Variants in TOP2B observed in about 807,000 individuals in gnomAD.
TOP2B encodes the protein DNA topoisomerase 2-beta.
Under a neutral mutation model 193.5 loss-of-function variants are expected in TOP2B, and 51 were observed. The ratio of observed to expected loss-of-function variants is 0.26; its 90% CI spans 0.21 to 0.33. The LOEUF is 0.33. TOP2B is among the 10% of genes least tolerant of loss of function. The pLI is 1.00. For missense variants in TOP2B, 1,378 were observed against 1,909.3 expected (o/e 0.72, Z 5.19); for synonymous variants, 634 against 635.7 (o/e 1.00, Z 0.04).
At chr3:25,612,139 T>C (rs1207661038) in intron 28 of TOP2B, among the ~76,000 whole-genome samples, 3 of 151,998 alleles carry the variant, frequency 2.0e-5, no homozygotes, top group Non-Finnish European at 4.4e-5. Flanking sequence ...AGACGGGGTT[T>C]CACCATGTTT....
At position 25,623,734 on chromosome 3, in the gene TOP2B, C is replaced by G. The variant is rs1325892579; in HGVS notation, c.2508G>C (p.Arg836Ser). 2 of 1,611,356 alleles carry G rather than the reference C, an allele frequency of 1.2e-6. No homozygotes were observed. The highest frequency in any genetic ancestry group is 1.1e-5 in the South Asian group (1 of 90,802). Residue 836 changes from arginine (R) to serine (S), a missense_variant, in exon 21 of 36, where the codon AGG (arginine) becomes AGC (serine). By Grantham distance (110) the Arg-to-Ser change is moderately radical. Transcript: ENST00000264331. ...TGTCATCCACAGCAGGAAAAAGTAG[C>G]CTTGCTAAAGTGCTAATGAAAACAA... ...YIFTMLSTLARLLFPAVDDNL... is the reference protein window; with the variant it reads ...YIFTMLSTLASLLFPAVDDNL...
intron 31 of TOP2B, among the ~76,000 whole-genome samples, chr3:25,606,530 G>A (rs1187417008): frequency 1.3e-5 from 2 of 152,012 alleles, no homozygotes; most frequent in African/African-American, 4.8e-5. Flanking sequence ...CAAGGAAAAA[G>A]ACAGAATTCC....
intron 33 of TOP2B, among the ~76,000 whole-genome samples, chr3:25,603,242 CTGT>C (rs1006319337): frequency 5.9e-5 from 9 of 151,940 alleles, no homozygotes; most frequent in African/African-American, 2.2e-4. Context: ...TTTGATTGTT[CTGT>C]TGTTGTTATT....
At position 25,620,825 on chromosome 3, in the gene TOP2B, A is replaced by G. The variant is rs766701892; in HGVS notation, c.2728-9T>C. On this transcript the variant is annotated splice_polypyrimidine_tract_variant and intron_variant, in intron 21 of 35. Coordinates refer to ENST00000264331, the MANE Select transcript of TOP2B (RefSeq NM_001330700.2). ...TTTTTGTAGTTTGGAAGCTGTAGAG[A>G]AAAAGGTAAATAGCATTGACTTCTC... The G allele has an allele frequency of 2.5e-6, 4 of 1,611,530 alleles. No individual in the cohort carries two copies. The highest frequency in any genetic ancestry group is 1.1e-5 in the South Asian group (1 of 90,636).
intron 27 of TOP2B, among the ~76,000 whole-genome samples, chr3:25,613,676 C>G (rs1702436444): frequency 6.6e-6 from 1 of 151,122 alleles, no homozygotes. Flanking sequence ...TGCAATGAGC[C>G]ATGATTGTAC....
chr3:25,631,428 T>C (rs1702953171), intron 10 of TOP2B, among the ~76,000 whole-genome samples: 1 of 152,084 alleles, frequency 6.6e-6, no homozygotes, highest in South Asian at 2.1e-4. Flanking sequence ...AGCTTGGTAA[T>C]AAAGATTTCA....
intron 2 of TOP2B, among the ~76,000 whole-genome samples, chr3:25,644,101 CTTTTTTTT>C (rs34502850): frequency 7.1e-6 from 1 of 140,672 alleles, no homozygotes; most frequent in African/African-American, 2.6e-5. Flanking sequence ...AAAATTAATG[CTTTTTTTT>C]TTTTTTATAA....
intron 4 of TOP2B, among the ~76,000 whole-genome samples, chr3:25,641,326 C>T (rs116529295): frequency 0.012 from 1,788 of 152,200 alleles, 30 homozygotes; most frequent in African/African-American, 0.04. Context: ...GTGTCTATTA[C>T]TCCTTACTCT....
intron 1 of TOP2B, 86 bp downstream of exon 1, chr3:25,664,142 CT>C: frequency 1.3e-6 from 2 of 1,517,164 alleles, no homozygotes; most frequent in Non-Finnish European, 1.8e-6. Flanking sequence ...ATTTCCCTCC[CT>C]TTCCCCTCCC....
chr3:25,598,165 G>T lies in TOP2B; in HGVS notation c.*142C>A. ...AAAACTGTATGTGTAAGAACAAAAT[G>T]TTAAAAGGCCTACCACAATAATAAA... On this transcript the variant is annotated 3_prime_UTR_variant, in exon 36 of 36. Coordinates refer to ENST00000264331, the MANE Select transcript of TOP2B (RefSeq NM_001330700.2). 1.2e-6 allele frequency: 1 copy of T among 830,000 alleles called. No individual in the cohort carries two copies. Among genetic ancestry groups the T allele is most frequent in the Non-Finnish European group, 1.8e-6 (1 of 548,448 alleles). The allele number at this position is 830,000 out of a possible 1,614,324, so 51.4% of individuals were successfully genotyped here.
In TOP2B at chr3:25,636,167, C is replaced by A; in HGVS notation, c.640-19G>T. On this transcript the variant is annotated intron_variant, in intron 6 of 35. Coordinates refer to ENST00000264331, the MANE Select transcript of TOP2B (RefSeq NM_001330700.2). ...TCCATGTCTTTAAAAGAAAAAAATT[C>A]AAATATTTCTATAATGCTTCCATAT... 6.8e-7 allele frequency: 1 copy of A among 1,473,156 alleles called. No homozygotes were observed. The highest frequency in any genetic ancestry group is 2.5e-5 in the East Asian group (1 of 40,528). 91.3% of individuals were successfully genotyped at this position (1,473,156 alleles called of 1,614,324 possible).
intron 1 of TOP2B, among the ~76,000 whole-genome samples, chr3:25,656,458 G>A (rs1382950813): frequency 6.6e-6 from 1 of 151,786 alleles, no homozygotes. Flanking sequence ...TAAATAAATA[G>A]ATAAAAAACA....
At chr3:25,610,518 G>C (rs1215206369) in intron 28 of TOP2B, among the ~76,000 whole-genome samples, 1 of 152,204 alleles carries the variant, frequency 6.6e-6, no homozygotes, top group East Asian at 1.9e-4. Flanking sequence ...CAGGCAGAAG[G>C]CACAAAGCCA....
chr3:25,651,357 ATATGT>A (rs1414855104), intron 1 of TOP2B, among the ~76,000 whole-genome samples: 2 of 151,984 alleles, frequency 1.3e-5, no homozygotes, highest in African/African-American at 2.4e-5. Flanking sequence ...TCACCTGAAG[ATATGT>A]TATGTAATGG....
At chr3:25,622,164 C>T (rs972564642) in intron 21 of TOP2B, among the ~76,000 whole-genome samples, 10 of 152,116 alleles carry the variant, frequency 6.6e-5, no homozygotes. Context: ...CTCTTTATCT[C>T]ACCACTTAGC....
At chr3:25,604,938 T>C (rs2125345730) in intron 32 of TOP2B, 68 bp from the exon 33 acceptor site, 2 of 1,134,906 alleles carry the variant, frequency 1.8e-6, no homozygotes, top group East Asian at 2.4e-5. Flanking sequence ...CTTTGACTCT[T>C]TTAACTGATG....
chr3:25,598,617 C>A, intron 35 of TOP2B, 140 bp from the exon 36 acceptor site: 1 of 617,076 alleles, frequency 1.6e-6, no homozygotes, highest in Non-Finnish European at 2.5e-6. Flanking sequence ...ATAATGCTAA[C>A]CTAAGTGTAA....
chr3:25,630,236 G>A, intron 12 of TOP2B, 76 bp downstream of exon 12: 1 of 1,520,560 alleles, frequency 6.6e-7, no homozygotes, highest in Non-Finnish European at 8.8e-7. Context: ...AATTCGAGAA[G>A]TTTAGTAAAG....
intron 22 of TOP2B, among the ~76,000 whole-genome samples, chr3:25,620,364 T>C (rs1183941837): frequency 1.3e-5 from 2 of 152,060 alleles, no homozygotes; most frequent in Admixed American, 6.6e-5. Flanking sequence ...TTTAGATTTG[T>C]AAAGCTGATG....
Sources: allele counts gnomAD v4.1 joint callset (sites outside exome capture counted in the v4.1 genomes callset), GRCh38; gene constraint gnomAD v4.1.1; transcripts MANE v1.5; gene names NCBI Gene and HGNC (gene_info 2026-07-23, HGNC 2026-07-21).